The following FMR1 variants were observed in gnomAD, a reference collection of about 807,000 sequenced individuals.
FMR1 encodes FMRP translational regulator 1.
In FMR1, 13 loss-of-function variants were observed where a neutral mutation model predicts 50.6. The observed-to-expected ratio is 0.26, with a 90% CI of 0.17 to 0.41. The LOEUF (loss-of-function observed/expected upper bound fraction) is 0.41. Among genes scored for constraint, FMR1 ranks in the 10% least tolerant of loss-of-function variants. The pLI is 1.00. For missense variants in FMR1, 316 were observed against 491.3 expected, an observed-to-expected ratio of 0.64 and a Z score of 3.37; for synonymous variants, 138 against 164.1, an observed-to-expected ratio of 0.84 and a Z score of 1.22.
rs1557183694 is a variant in FMR1 at position 147,951,041 on chromosome X, T to A, written c.*2197T>A. 1 of 243,700 alleles carries A rather than the reference T, an allele frequency of 4.1e-6. No individual in the cohort carries two copies. The highest frequency in any genetic ancestry group is 5.2e-5 in the Admixed American group (1 of 19,156). The allele number at this position is 243,700 out of a possible 1,213,427, so 20.1% of individuals were successfully genotyped here. On this transcript the variant is annotated 3_prime_UTR_variant, in exon 17 of 17. Coordinates refer to ENST00000370475, the MANE Select transcript of FMR1 (RefSeq NM_002024.6). ...GTTCAAAGTCATGATGTTTTTAAAA[T>A]CTTATTAAAGTTTCAAAAATCTGAA...
At chrX:147,939,014 G>A (rs1014524475) in intron 12 of FMR1, among the ~76,000 whole-genome samples, 1 of 111,931 alleles carries the variant, frequency 8.9e-6, no homozygotes, top group Non-Finnish European at 1.9e-5. Context: ...AATTTGCTCC[G>A]AAGTCAATCT....
intron 13 of FMR1, among the ~76,000 whole-genome samples, chrX:147,942,683 A>G (rs1557181144): frequency 8.9e-6 from 1 of 112,581 alleles, no homozygotes; most frequent in African/African-American, 3.2e-5. Flanking sequence ...TGGCAAATCT[A>G]TTTTAATCAA....
At chrX:147,939,175 A>G (rs1310757878) in intron 12 of FMR1, among the ~76,000 whole-genome samples, 9 of 112,119 alleles carry the variant, frequency 8.0e-5, no homozygotes, top group Non-Finnish European at 3.8e-5. Context: ...GAAAAACCCA[A>G]CATGCAGAAA....
chrX:147,950,906 T>G lies in FMR1; in HGVS notation c.*2062T>G, dbSNP rs1487683825. On this transcript the variant is annotated 3_prime_UTR_variant, in exon 17 of 17. Transcript: ENST00000370475. ...GTATTCAGCAAGGCGCTAACTTGCT[T>G]AAATGTGAATTACTAACTTCTAAAA... 13 of 293,380 alleles carry G rather than the reference T, an allele frequency of 4.4e-5. No homozygotes were observed. The highest frequency in any genetic ancestry group is 7.7e-5 in the Non-Finnish European group (12 of 155,974). 24.2% of individuals were successfully genotyped at this position (293,380 alleles called of 1,213,427 possible).
chrX:147,941,785 T>C, intron 13 of FMR1, among the ~76,000 whole-genome samples: 1 of 112,473 alleles, frequency 8.9e-6, no homozygotes, highest in Non-Finnish European at 1.9e-5. Context: ...ATCAAATCCC[T>C]TGTTCTTTTG....
chrX:147,940,161 AAAAAAAAAAAAAAAAAAACAAAAAAG>A, intron 12 of FMR1: 1 of 54,869 alleles, frequency 1.8e-5, no homozygotes, highest in Non-Finnish European at 3.5e-5. Flanking sequence ...ACTCCGTCTC[AAAAAAAAAAAAAAAAAAACAAAAAAG>A]AAAAAAAAAA....
intron 9 of FMR1, 92 bp from the exon 10 acceptor site, chrX:147,936,412 A>G: frequency 3.5e-6 from 2 of 572,084 alleles, no homozygotes; most frequent in South Asian, 2.5e-5. Flanking sequence ...AAAAATATCT[A>G]TCTATATGAA....
intron 5 of FMR1, 137 bp downstream of exon 5, chrX:147,928,944 G>A: frequency 1.6e-6 from 1 of 623,799 alleles, no homozygotes; most frequent in South Asian, 2.7e-5. Flanking sequence ...AAATGGTTTG[G>A]TTTGCAAGAG....
chrX:147,926,378 T>A (rs1255339022), intron 3 of FMR1, among the ~76,000 whole-genome samples: 1 of 112,079 alleles, frequency 8.9e-6, no homozygotes, highest in Non-Finnish European at 1.9e-5. Context: ...TTACTATTAG[T>A]TAATAATAGT....
Position 147,912,087 on chromosome X carries a change from C to CGGCGGCGGCGGCGGCGGCGGCGGA in FMR1, c.-70_-69insAGGCGGCGGCGGCGGCGGCGGCGG, listed in dbSNP as rs1569545086. 8 of 467,721 alleles carry CGGCGGCGGCGGCGGCGGCGGCGGA rather than the reference C, an allele frequency of 1.7e-5. No individual in the cohort carries two copies. The highest frequency in any genetic ancestry group is 1.1e-4 in the South Asian group (1 of 9,519). The allele number at this position is 467,721 out of a possible 1,213,427, so 38.5% of individuals were successfully genotyped here. A position where few individuals can be genotyped will look rare whatever the true frequency, so the allele number is the denominator to read the frequency against. Reference sequence around the variant, plus strand: ...GCGGCGGCGGCGGCGGCGGAGGCGGCGGCGGCGGCGGCGGCGGCGGCGGCT... The same window carrying CGGCGGCGGCGGCGGCGGCGGCGGA: ...GCGGCGGCGGCGGCGGCGGAGGCGGCGGCGGCGGCGGCGGCGGCGGCGGAGGCGGCGGCGGCGGCGGCGGCGGCT... On this transcript the variant is annotated 5_prime_UTR_variant, in exon 1 of 17. Transcript: ENST00000370475.
chrX:147,938,281 G>A, intron 12 of FMR1, 120 bp downstream of exon 12: 1 of 609,698 alleles, frequency 1.6e-6, no homozygotes, highest in Non-Finnish European at 2.8e-6. Context: ...GTGTTTGTGG[G>A]TATGTGGATC....
Position 147,912,168 on chromosome X carries a change from G to C in FMR1, c.-12G>C. The C allele has an allele frequency of 8.8e-7, 1 of 1,135,930 alleles. No individual in the cohort carries two copies. Among genetic ancestry groups the C allele is most frequent in the Non-Finnish European group, 1.2e-6 (1 of 858,082 alleles). The allele number at this position is 1,135,930 out of a possible 1,213,427, so 93.6% of individuals were successfully genotyped here. On this transcript the variant is annotated 5_prime_UTR_variant, in exon 1 of 17. Coordinates refer to ENST00000370475, the MANE Select transcript of FMR1 (RefSeq NM_002024.6). ...GGGGCGGGCTCCCGGCGCTAGCAGG[G>C]CTGAAGAGAAGATGGAGGAGCTGGT...
intron 16 of FMR1, chrX:147,947,339 G>A (rs2044202726): frequency 9.5e-6 from 1 of 105,180 alleles, no homozygotes; most frequent in African/African-American, 3.5e-5. Context: ...TTGAACCCAG[G>A]TGGCAGAGGT....
intron 2 of FMR1, among the ~76,000 whole-genome samples, chrX:147,922,711 C>T (rs926323158): frequency 1.2e-4 from 13 of 110,524 alleles, no homozygotes; most frequent in African/African-American, 4.0e-4. Flanking sequence ...TAGGATTTTA[C>T]TAAACTCTGA....
At chrX:147,912,778 G>T (rs1362137878) in intron 1 of FMR1, 1 of 296,138 alleles carries the variant, frequency 3.4e-6, no homozygotes, top group South Asian at 2.0e-4. Flanking sequence ...TGTGAAGAAA[G>T]AGTAGTAAGA....
At chrX:147,944,766 A>C in intron 14 of FMR1, 103 bp from the exon 15 acceptor site, 1 of 1,113,830 alleles carries the variant, frequency 9.0e-7, no homozygotes, top group Non-Finnish European at 1.2e-6. Flanking sequence ...TAAATTGGGA[A>C]GAGTTTTGGA....
chrX:147,928,586 T>A, intron 4 of FMR1, 73 bp from the exon 5 acceptor site: 1 of 978,659 alleles, frequency 1.0e-6, no homozygotes, highest in Non-Finnish European at 1.4e-6. Flanking sequence ...TATTTTAAAA[T>A]AACTGAATAG....
At chrX:147,937,636 G>A (rs1557179917) in intron 11 of FMR1, 36 bp downstream of exon 11, 2 of 681,986 alleles carry the variant, frequency 2.9e-6, no homozygotes, top group Admixed American at 2.2e-5. Context: ...TACAATACAA[G>A]TAATTTGTCT....
chrX:147,912,303 C>T (rs1445837316), intron 1 of FMR1, 73 bp downstream of exon 1: 2 of 1,015,563 alleles, frequency 2.0e-6, no homozygotes, highest in Non-Finnish European at 2.7e-6. Flanking sequence ...CGGCGGGAGG[C>T]AGGCCCGGGG....
Sources: gnomAD v4.1 joint callset for allele counts (sites outside exome capture counted in the v4.1 genomes callset) on GRCh38, gnomAD v4.1.1 for gene constraint, MANE v1.5 for transcripts, NCBI Gene and HGNC (gene_info 2026-07-23, HGNC 2026-07-21) for gene names.